The following LAMA4 variants were observed in gnomAD, a reference collection of about 807,000 sequenced individuals.
LAMA4 encodes the protein laminin subunit alpha 4.
LAMA4 carries 127 observed loss-of-function variants against 207.1 expected under a neutral mutation model. The ratio of observed to expected loss-of-function variants is 0.61; its 90% CI spans 0.53 to 0.71. The LOEUF is 0.71. LAMA4 is among the 30% of genes least tolerant of loss of function. The pLI is 0.00. For synonymous variants in LAMA4, 761 were observed against 816.0 expected, an observed-to-expected ratio of 0.93 and a Z score of 1.15; for missense variants, 2,093 against 2,246.5, an observed-to-expected ratio of 0.93 and a Z score of 1.38.
rs990293872 is a variant in LAMA4, at chr6:112,201,159, C to T, written c.503+449G>A. On this transcript the variant is annotated intron_variant, in intron 5 of 38. Coordinates refer to ENST00000230538, the MANE Select transcript of LAMA4 (RefSeq NM_001105206.3). ...GTATAAAGCTGGTATAAAGAATGGG[C>T]GAAATAACAGCTTTGTGGGTTGTTT... Among the ~76,000 whole-genome samples, 10 of 152,004 alleles carry T rather than the reference C, an allele frequency of 6.6e-5. No individual in the cohort carries two copies. The East Asian group carries it at 1.2e-3, about 18-fold the overall frequency.
At chr6:112,130,825 T>C in intron 29 of LAMA4, 143 bp downstream of exon 29, 1 of 785,766 alleles carries the variant, frequency 1.3e-6, no homozygotes, top group African/African-American at 1.7e-5. Context: ...AATATTTTTT[T>C]GAGGAAGATA....
intron 2 of LAMA4, among the ~76,000 whole-genome samples, chr6:112,228,798 A>G (rs1785376198): frequency 6.6e-6 from 1 of 152,146 alleles, no homozygotes; most frequent in South Asian, 2.1e-4. Context: ...CTTTCCCTGA[A>G]ATGCAAGGGA....
At chr6:112,155,051 A>T in intron 15 of LAMA4, 104 bp from the exon 16 acceptor site, 1 of 806,308 alleles carries the variant, frequency 1.2e-6, no homozygotes, top group Non-Finnish European at 2.2e-6. Context: ...AACACCAAGC[A>T]AAATGCATTT....
intron 2 of LAMA4, among the ~76,000 whole-genome samples, chr6:112,226,259 T>C (rs1554362460): frequency 6.6e-6 from 1 of 152,208 alleles, no homozygotes; most frequent in African/African-American, 2.4e-5. Context: ...TCTTCATTCA[T>C]TACCTACATG....
At chr6:112,129,552 G>A (rs1778904113) in intron 30 of LAMA4, among the ~76,000 whole-genome samples, 1 of 152,110 alleles carries the variant, frequency 6.6e-6, no homozygotes. Context: ...ATAGCTTGCT[G>A]TATGCCAGAC....
chr6:112,175,227 T>C (rs1243629594), intron 11 of LAMA4, 86 bp downstream of exon 11: 1 of 1,295,376 alleles, frequency 7.7e-7, no homozygotes, highest in Non-Finnish European at 1.1e-6. Flanking sequence ...GCTTTGATTA[T>C]ATGTTGCCCT....
chr6:112,123,658 C>G (rs944249830), intron 31 of LAMA4, among the ~76,000 whole-genome samples: 1 of 152,186 alleles, frequency 6.6e-6, no homozygotes, highest in Non-Finnish European at 1.5e-5. Context: ...AAAGGACAGA[C>G]GAGCTGTGCC....
intron 2 of LAMA4, among the ~76,000 whole-genome samples, chr6:112,229,403 A>T (rs797028925): frequency 3.3e-5 from 5 of 152,154 alleles, no homozygotes; most frequent in African/African-American, 1.2e-4. Context: ...AACACCCATT[A>T]TCTCCTCCAA....
chr6:112,196,108 T>C (rs1554350429), intron 5 of LAMA4, among the ~76,000 whole-genome samples: 1 of 152,156 alleles, frequency 6.6e-6, no homozygotes, highest in African/African-American at 2.4e-5. Context: ...ATGTGTACCA[T>C]GTATAATGAC....
chr6:112,230,996 A>G (rs1785526963), intron 2 of LAMA4, among the ~76,000 whole-genome samples: 1 of 152,202 alleles, frequency 6.6e-6, no homozygotes, highest in African/African-American at 2.4e-5. Context: ...ACGCTTCTTG[A>G]TGAGGATGAT....
chr6:112,170,632 C>T (rs1781657688), intron 12 of LAMA4, among the ~76,000 whole-genome samples: 1 of 152,208 alleles, frequency 6.6e-6, no homozygotes, highest in Admixed American at 6.5e-5. Context: ...GTTTTCATTA[C>T]ATCAACCCAG....
intron 38 of LAMA4, among the ~76,000 whole-genome samples, chr6:112,110,489 A>T (rs147224160): frequency 6.6e-6 from 1 of 152,226 alleles, no homozygotes; most frequent in African/African-American, 2.4e-5. Context: ...ATGTAGGGTA[A>T]GAATATGCAG....
In LAMA4 at chr6:112,144,037, G is replaced by A. The variant is rs557934891; in HGVS notation, c.2493+757C>T. 1.9e-3 allele frequency among the ~76,000 whole-genome samples: 294 copies of A among 152,228 alleles called. 1 individual carries two copies. The highest frequency in any genetic ancestry group is 6.8e-3 in the African/African-American group (282 of 41,526). On this transcript the variant is annotated intron_variant, in intron 19 of 38. Transcript: ENST00000230538. ...TTAGGACCAGTAGTCTGCTCAGGCC[G>A]ATTCTTAACTGAGAAAATAAAACCA...
chr6:112,117,678 T>C lies in LAMA4; in HGVS notation c.4981+61A>G. On this transcript the variant is annotated intron_variant, in intron 35 of 38. Transcript: ENST00000230538. This position sits in a 1 kb window ranked among gnomAD's most constrained non-coding sequence, Gnocchi z 4.5. Reference sequence around the variant, plus strand: ...TTTTAACTCTGGGCCTGATATTCCCTGTTAGCCATCTCCAGGAAGAAGCAT... The same window carrying C: ...TTTTAACTCTGGGCCTGATATTCCCCGTTAGCCATCTCCAGGAAGAAGCAT... 1 of 1,516,404 alleles carries C rather than the reference T, an allele frequency of 6.6e-7. No individual in the cohort carries two copies. The highest frequency in any genetic ancestry group is 9.1e-7 in the Non-Finnish European group (1 of 1,094,788). 93.9% of individuals were successfully genotyped at this position (1,516,404 alleles called of 1,614,324 possible).
intron 31 of LAMA4, among the ~76,000 whole-genome samples, chr6:112,127,786 G>T (rs1554328159): frequency 6.6e-6 from 1 of 152,156 alleles, no homozygotes; most frequent in African/African-American, 2.4e-5. Context: ...CAAGGGCCAG[G>T]CTGGGAACAC....
intron 19 of LAMA4, among the ~76,000 whole-genome samples, chr6:112,143,967 T>A (rs1320948154): frequency 1.3e-5 from 2 of 152,246 alleles, no homozygotes; most frequent in Non-Finnish European, 2.9e-5. Context: ...AATAATCTTC[T>A]ACATTACGAA....
At chr6:112,144,543 G>A (rs1332256681) in intron 19 of LAMA4, among the ~76,000 whole-genome samples, 2 of 152,188 alleles carry the variant, frequency 1.3e-5, no homozygotes, top group African/African-American at 4.8e-5. Context: ...AATAACCTGG[G>A]AGCTTTAAAG....
In LAMA4 at chr6:112,120,463, A is replaced by G; in HGVS notation, c.4485T>C (p.Phe1495=). ...LKGDFGAKSQ[F]SIRLRTRSSH... is the part of the protein sequence containing the mutation. Reference sequence around the variant, plus strand: ...AGGAACGAGTTCTCAGACGAATGGAAAACTGAGATCTGGTAAATGAAAAGA... The same window carrying G: ...AGGAACGAGTTCTCAGACGAATGGAGAACTGAGATCTGGTAAATGAAAAGA... The change falls in exon 33 of 39, where the codon TTT becomes TTC. Residue 1495 remains phenylalanine (F), a synonymous_variant. Coordinates refer to ENST00000230538, the MANE Select transcript of LAMA4 (RefSeq NM_001105206.3). The G allele has an allele frequency of 6.2e-7, 1 of 1,612,374 alleles. No individual in the cohort carries two copies. The highest frequency in any genetic ancestry group is 1.1e-5 in the South Asian group (1 of 91,042).
In LAMA4 at chr6:112,134,448, A is replaced by G. The variant is rs1779215293; in HGVS notation, c.3557+19T>C. The G allele has an allele frequency of 1.2e-6, 2 of 1,612,772 alleles. No individual in the cohort carries two copies. Among genetic ancestry groups the G allele is most frequent in the Non-Finnish European group, 1.7e-6 (2 of 1,179,054 alleles). ...AGTACATTGCTAGGAACAAACAGCT[A>G]CTTAACAAAAAGCCTTACCTGGATT... On this transcript the variant is annotated intron_variant, in intron 26 of 38. Coordinates refer to ENST00000230538, the MANE Select transcript of LAMA4 (RefSeq NM_001105206.3).
Sources: gnomAD v4.1 joint callset for allele counts (sites outside exome capture counted in the v4.1 genomes callset) on GRCh38, gnomAD v4.1.1 for gene constraint, Gnocchi (gnomAD v3.1) non-coding constraint, MANE v1.5 for transcripts, NCBI Gene and HGNC (gene_info 2026-07-23, HGNC 2026-07-21) for gene names.